TUNAR: variants seen among roughly 807,000 people sequenced by gnomAD.
The protein encoded by TUNAR is protein TUNAR.
At chr14:95,922,548 G>T (rs1445678961) in intron 2 of TUNAR, among the ~76,000 whole-genome samples, 10 of 152,158 alleles carry the variant, frequency 6.6e-5, no homozygotes, top group Non-Finnish European at 1.5e-4. Flanking sequence ...AGACTTCTAG[G>T]CTCCTCTCTC....
At chr14:95,904,076 T>C (rs1279629091) in intron 2 of TUNAR, among the ~76,000 whole-genome samples, 1 of 152,248 alleles carries the variant, frequency 6.6e-6, no homozygotes, top group Non-Finnish European at 1.5e-5. Context: ...AGTGGCCATC[T>C]ATAATCCCCC....
chr14:95,891,334 A>G (rs576072831), intron 2 of TUNAR, among the ~76,000 whole-genome samples: 1 of 152,222 alleles, frequency 6.6e-6, no homozygotes, highest in Non-Finnish European at 1.5e-5. Context: ...CATGACGTCA[A>G]CTTTGACGGT....
chr14:95,921,019 G>GA (rs1363047504), intron 2 of TUNAR, among the ~76,000 whole-genome samples: 2 of 152,156 alleles, frequency 1.3e-5, no homozygotes, highest in African/African-American at 2.4e-5. Flanking sequence ...AGAGCTACCT[G>GA]AAAATCAACA....
chr14:95,888,363 G>A (rs1283040316), intron 2 of TUNAR, among the ~76,000 whole-genome samples: 1 of 152,100 alleles, frequency 6.6e-6, no homozygotes, highest in Non-Finnish European at 1.5e-5. Flanking sequence ...CTAAGCCTTC[G>A]AGTATGTATT....
intron 2 of TUNAR, among the ~76,000 whole-genome samples, chr14:95,905,894 T>C (rs1032350569): frequency 6.6e-6 from 1 of 152,246 alleles, no homozygotes; most frequent in African/African-American, 2.4e-5. Flanking sequence ...TATTTACTTA[T>C]GTCAATGAAA....
In TUNAR at chr14:95,895,530, A is replaced by G. The variant is rs192323479; in HGVS notation, c.12+18353A>G. ...CAGGCAGTGGGATGGTCATGTTAGC[A>G]TCTGTTTTACAAGGGAGTTCCCGAC... On this transcript the variant is annotated intron_variant, in intron 2 of 2. Coordinates refer to ENST00000678517, the Ensembl canonical transcript of TUNAR. This position sits in a 1 kb window ranked among gnomAD's most constrained non-coding sequence, Gnocchi z 4.5. Among the ~76,000 whole-genome samples the G allele has an allele frequency of 6.6e-6, 1 of 152,244 alleles. No homozygotes were observed. Among genetic ancestry groups the G allele is most frequent in the East Asian group, 1.9e-4 (1 of 5,182 alleles).
intron 2 of TUNAR, among the ~76,000 whole-genome samples, chr14:95,896,101 A>C (rs1889260353): frequency 6.6e-6 from 1 of 151,662 alleles, no homozygotes; most frequent in South Asian, 2.1e-4. Flanking sequence ...CGTTTCTGCC[A>C]GTGAGTAATA....
chr14:95,917,862 A>G (rs1373882793), intron 2 of TUNAR, among the ~76,000 whole-genome samples: 1 of 152,222 alleles, frequency 6.6e-6, no homozygotes, highest in East Asian at 1.9e-4. Flanking sequence ...GCTTTAGTAT[A>G]TTTAGTGTAT....
At chr14:95,912,729 G>A (rs1220222651) in intron 2 of TUNAR, among the ~76,000 whole-genome samples, 1 of 152,164 alleles carries the variant, frequency 6.6e-6, no homozygotes, top group Admixed American at 6.5e-5. Context: ...GTCATAAGTA[G>A]AACTGAATTT....
chr14:95,877,376 C>T (rs1888906472), intron 2 of TUNAR, among the ~76,000 whole-genome samples, 199 bp downstream of exon 1: 1 of 152,266 alleles, frequency 6.6e-6, no homozygotes, highest in African/African-American at 2.4e-5. Context: ...TTTCTTCTGC[C>T]TTCTGGAGAA....
At chr14:95,882,567 G>T (rs1487286789) in intron 2 of TUNAR, among the ~76,000 whole-genome samples, 1 of 152,230 alleles carries the variant, frequency 6.6e-6, no homozygotes, top group Non-Finnish European at 1.5e-5. Flanking sequence ...GTGGCTAAGA[G>T]AGGCTAGGCT....
intron 2 of TUNAR, among the ~76,000 whole-genome samples, chr14:95,901,462 A>G (rs1419337701): frequency 6.6e-6 from 1 of 152,232 alleles, no homozygotes; most frequent in African/African-American, 2.4e-5. Context: ...GATGCCAGGA[A>G]TAAGGAAGTT....
At chr14:95,902,614 T>C (rs1330513115) in intron 2 of TUNAR, among the ~76,000 whole-genome samples, 1 of 152,214 alleles carries the variant, frequency 6.6e-6, no homozygotes, top group African/African-American at 2.4e-5. Flanking sequence ...TAGCAAACGC[T>C]GATCTCCCCA....
chr14:95,915,587 G>C (rs545271224), intron 2 of TUNAR, among the ~76,000 whole-genome samples: 1 of 152,226 alleles, frequency 6.6e-6, no homozygotes, highest in Non-Finnish European at 1.5e-5. Context: ...CATGAATGCT[G>C]GTTAGGCCCA....
chr14:95,911,543 T>G (rs1258513357), intron 2 of TUNAR, among the ~76,000 whole-genome samples: 1 of 152,204 alleles, frequency 6.6e-6, no homozygotes, highest in Non-Finnish European at 1.5e-5. Context: ...TGATGCTTCC[T>G]CTGTGTTCTG....
At chr14:95,917,319 G>A (rs951421798) in intron 2 of TUNAR, among the ~76,000 whole-genome samples, 1 of 152,142 alleles carries the variant, frequency 6.6e-6, no homozygotes, top group Non-Finnish European at 1.5e-5. Context: ...TACCCCTGTG[G>A]ATCAGCAGTG....
At chr14:95,904,516 G>A (rs1282576952) in intron 2 of TUNAR, among the ~76,000 whole-genome samples, 1 of 152,184 alleles carries the variant, frequency 6.6e-6, no homozygotes, top group South Asian at 2.1e-4. Flanking sequence ...TGAGGGATAG[G>A]TATGAAAGTC....
chr14:95,920,003 C>T (rs1281965398), intron 2 of TUNAR, among the ~76,000 whole-genome samples: 1 of 152,150 alleles, frequency 6.6e-6, no homozygotes, highest in East Asian at 1.9e-4. Flanking sequence ...AAACTTGAAG[C>T]AGTGAAAATG....
chr14:95,913,891 C>T lies in TUNAR; in HGVS notation c.13-8890C>T, dbSNP rs151280545. ...GGGACTACAGGTGCCAGCCACCACA[C>T]CCAGCTAATTTTTGTATTTATAGTA... On this transcript the variant is annotated intron_variant, in intron 2 of 2. Coordinates refer to ENST00000678517, the Ensembl canonical transcript of TUNAR. Among the ~76,000 whole-genome samples the T allele has an allele frequency of 1.0e-3, 159 of 152,334 alleles. 4 individuals are homozygous for T. The East Asian group carries it at 0.028, about 27-fold the overall frequency.
Sources: allele counts gnomAD v4.1 joint callset (sites outside exome capture counted in the v4.1 genomes callset), GRCh38; gene constraint gnomAD v4.1.1; non-coding constraint Gnocchi (gnomAD v3.1); transcripts MANE v1.5; gene names NCBI Gene and HGNC (gene_info 2026-07-23, HGNC 2026-07-21).